The following TRIO variants were observed in gnomAD, a reference collection of about 807,000 sequenced individuals.
TRIO encodes trio Rho guanine nucleotide exchange factor.
TRIO carries 58 observed loss-of-function variants against 351.9 expected under a neutral mutation model. The ratio of observed to expected loss-of-function variants is 0.16; its 90% CI spans 0.13 to 0.21. The LOEUF (loss-of-function observed/expected upper bound fraction) is 0.21, where lower values mean the gene tolerates loss of function less well. TRIO is among the 10% of genes least tolerant of loss of function. The pLI, the probability that TRIO is intolerant of heterozygous loss-of-function variation, is 1.00. For missense variants in TRIO, 3,201 were observed against 4,027.8 expected, an observed-to-expected ratio of 0.79 and a Z score of 5.56; for synonymous variants, 1,758 against 1,595.7, an observed-to-expected ratio of 1.10 and a Z score of -2.42.
intron 1 of TRIO, among the ~76,000 whole-genome samples, chr5:14,176,974 G>A (rs1247907000): frequency 2.0e-5 from 3 of 152,114 alleles, no homozygotes; most frequent in African/African-American, 7.2e-5. Context: ...TGAAACACTT[G>A]ACCATTACAT....
chr5:14,387,062 G>A (rs778042464), intron 21 of TRIO, among the ~76,000 whole-genome samples: 27 of 152,366 alleles, frequency 1.8e-4, no homozygotes, highest in Middle Eastern at 3.4e-3. Context: ...TGCATAGAGC[G>A]AGGAGCTGTC....
At chr5:14,267,878 A>G (rs1371451415) in intron 1 of TRIO, among the ~76,000 whole-genome samples, 1 of 152,048 alleles carries the variant, frequency 6.6e-6, no homozygotes, top group African/African-American at 2.4e-5. Context: ...TGCCCTTTTT[A>G]TATTTTCTGT....
rs1579802383 is a variant in TRIO at position 14,487,654 on chromosome 5, C to T, written c.7026C>T (p.Pro2342=). 1.5e-6 allele frequency: 2 copies of T among 1,337,912 alleles called. No individual in the cohort carries two copies. The highest frequency in any genetic ancestry group is 3.3e-5 in the East Asian group (1 of 30,364). 82.9% of individuals were successfully genotyped at this position (1,337,912 alleles called of 1,614,324 possible). Reference sequence around the variant, plus strand: ...GCAGGAGCCGGCCCTCCCGGATCCCCCAGCCTGTCCGACACCACCCCCCCG... The same window carrying T: ...GCAGGAGCCGGCCCTCCCGGATCCCTCAGCCTGTCCGACACCACCCCCCCG... ...STSRSRPSRI[P]QPVRHHPPVL... Residue 2342 remains proline, a synonymous_variant, in exon 48 of 57, where the codon CCC becomes CCT. Transcript: ENST00000344204.
chr5:14,356,169 A>G (rs1743594097), intron 11 of TRIO, among the ~76,000 whole-genome samples: 1 of 152,218 alleles, frequency 6.6e-6, no homozygotes, highest in Non-Finnish European at 1.5e-5. Flanking sequence ...TTAAATGTGT[A>G]CTGACCTGCA....
chr5:14,163,045 C>A (rs39618), intron 1 of TRIO, among the ~76,000 whole-genome samples: 1 of 151,942 alleles, frequency 6.6e-6, no homozygotes, highest in Admixed American at 6.6e-5. Flanking sequence ...ATGTGCAGAA[C>A]GTGCAGGTTT....
intron 3 of TRIO, among the ~76,000 whole-genome samples, chr5:14,282,918 G>C (rs771985214): frequency 3.9e-5 from 6 of 152,162 alleles, no homozygotes; most frequent in Non-Finnish European, 1.5e-5. Flanking sequence ...TGTAAATGAC[G>C]CATTTGCCGA....
At position 14,419,986 on chromosome 5, in the gene TRIO, G is replaced by A; in HGVS notation, c.5168G>A (p.Ser1723Asn). 1 of 1,613,996 alleles carries A rather than the reference G, an allele frequency of 6.2e-7. No homozygotes were observed. Among genetic ancestry groups the A allele is most frequent in the South Asian group, 1.1e-5 (1 of 91,082 alleles). The change falls in exon 34 of 57, where the codon AGT becomes AAT. Residue 1723 changes from serine to asparagine, a missense_variant. Coordinates refer to ENST00000344204, the MANE Select transcript of TRIO (RefSeq NM_007118.4). ...CGSLCIAHSR[S>N]SMEMEGIFNH... ...TCACTGTGCATCGCCCACTCCAGAA[G>A]TAGCATGGAAATGGAGGGCATCTTC...
At position 14,387,733 on chromosome 5, in the gene TRIO, G is replaced by A. The variant is rs977578066; in HGVS notation, c.3767G>A (p.Ser1256Asn). 1.2e-5 allele frequency: 20 copies of A among 1,614,212 alleles called. No homozygotes were observed. The highest frequency in any genetic ancestry group is 1.6e-5 in the Non-Finnish European group (19 of 1,180,026). The change falls in exon 23 of 57, where the codon AGT (serine) becomes AAT (asparagine). Residue 1256 changes from serine to asparagine, a missense_variant and splice_region_variant. Transcript: ENST00000344204. ...LGISSDSNKS[S>N]KSLQLDIIPA... ...TTCATTGGCTCTGTTATTCCACAGAGTAAAAGTCTCCAGCTAGATATCATT... is the reference window on the plus strand; with the variant it reads ...TTCATTGGCTCTGTTATTCCACAGAATAAAAGTCTCCAGCTAGATATCATT...
intron 9 of TRIO, among the ~76,000 whole-genome samples, chr5:14,320,499 G>A (rs1378131039): frequency 6.6e-6 from 1 of 151,988 alleles, no homozygotes; most frequent in South Asian, 2.1e-4. Flanking sequence ...CAAAGCCCCC[G>A]TTTCCCCCAC....
chr5:14,255,283 A>T (rs924069846), intron 1 of TRIO, among the ~76,000 whole-genome samples: 2 of 152,184 alleles, frequency 1.3e-5, no homozygotes, highest in South Asian at 4.1e-4. Flanking sequence ...TAACCCTGAC[A>T]TATCTCTAGG....
intron 8 of TRIO, among the ~76,000 whole-genome samples, chr5:14,314,719 A>G (rs1739230737): frequency 1.3e-5 from 2 of 152,232 alleles, no homozygotes; most frequent in African/African-American, 2.4e-5. Flanking sequence ...GCTTCTCTGA[A>G]TCCACCACCC....
Position 14,316,619 on chromosome 5 carries a change from A to G in TRIO, c.1607A>G (p.His536Arg). The change falls in exon 9 of 57, where the codon CAT (histidine) becomes CGT (arginine). Residue 536 changes from histidine (H) to arginine (R), a missense_variant. By Grantham distance (29) the His-to-Arg change is conservative. Coordinates refer to ENST00000344204, the MANE Select transcript of TRIO (RefSeq NM_007118.4). ...GCCAACTACTCCAAGGCCGTGCACC[A>G]TGTCCTGGATGTCATCCACGAGGTG... ...ASANYSKAVH[H>R]VLDVIHEVLH... 6 of 1,614,206 alleles carry G rather than the reference A, an allele frequency of 3.7e-6. No individual in the cohort carries two copies. The highest frequency in any genetic ancestry group is 5.1e-6 in the Non-Finnish European group (6 of 1,180,036).
intron 8 of TRIO, among the ~76,000 whole-genome samples, chr5:14,309,783 T>C (rs1376353763): frequency 3.9e-5 from 6 of 152,220 alleles, no homozygotes; most frequent in Admixed American, 1.3e-4. Flanking sequence ...GGAGTACTTA[T>C]AAGCAGGGCT....
intron 1 of TRIO, among the ~76,000 whole-genome samples, chr5:14,258,245 T>A (rs1465335557): frequency 1.3e-5 from 2 of 152,172 alleles, no homozygotes; most frequent in Admixed American, 1.3e-4. Flanking sequence ...TGTGTGTAGC[T>A]CCCTTTTAAG....
At chr5:14,177,426 T>G (rs1014101654) in intron 1 of TRIO, among the ~76,000 whole-genome samples, 1 of 152,206 alleles carries the variant, frequency 6.6e-6, no homozygotes, top group African/African-American at 2.4e-5. Context: ...TAATTCTTGG[T>G]ATCTGACTGC....
At chr5:14,210,906 C>T (rs1002173670) in intron 1 of TRIO, among the ~76,000 whole-genome samples, 1 of 151,754 alleles carries the variant, frequency 6.6e-6, no homozygotes, top group Non-Finnish European at 1.5e-5. Context: ...TTCCTCCTTT[C>T]ACCCTTCTCC....
At chr5:14,283,626 A>G (rs949093936) in intron 3 of TRIO, among the ~76,000 whole-genome samples, 2 of 152,150 alleles carry the variant, frequency 1.3e-5, no homozygotes, top group African/African-American at 4.8e-5. Context: ...TGATTTCTAG[A>G]GGCAGATCAC....
At chr5:14,159,513 A>ATTCACCTGC (rs1788304272) in intron 1 of TRIO, among the ~76,000 whole-genome samples, 1 of 151,918 alleles carries the variant, frequency 6.6e-6, no homozygotes, top group African/African-American at 2.4e-5. Context: ...CCTGAAAGTG[A>ATTCACCTGC]TATTAACATT....
rs1161697415 is a variant in TRIO at position 14,267,895 on chromosome 5, A to AG, written c.158-2929dup. Among the ~76,000 whole-genome samples the AG allele has an allele frequency of 5.3e-5, 8 of 152,324 alleles. No individual in the cohort carries two copies. In the South Asian group the frequency reaches 8.3e-4, roughly 16 times the overall value. ...CCCTTTTTATATTTTCTGTTTTTGA[A>AG]GTATTAATTGATGGTTTAAATAAAA... is the stretch of plus-strand genomic sequence containing the variant. On this transcript the variant is annotated intron_variant, in intron 1 of 56. Transcript: ENST00000344204.
Sources: gnomAD v4.1 joint callset for allele counts (sites outside exome capture counted in the v4.1 genomes callset) on GRCh38, gnomAD v4.1.1 for gene constraint, MANE v1.5 for transcripts, NCBI Gene and HGNC (gene_info 2026-07-23, HGNC 2026-07-21) for gene names.